AGBL4: variants seen among roughly 807,000 people sequenced by gnomAD.
AGBL4 encodes the protein AGBL carboxypeptidase 4.
Under a neutral mutation model 66.4 loss-of-function variants are expected in AGBL4, and 58 were observed. That is an observed-to-expected ratio of 0.87 (90% CI 0.71 to 1.09). The LOEUF is 1.09. Ranked by LOEUF, AGBL4 falls within the 50% of genes least tolerant of loss-of-function variation. AGBL4 has a pLI of 0.00. For missense variants in AGBL4, 579 were observed against 631.0 expected, an observed-to-expected ratio of 0.92 and a Z score of 0.88; for synonymous variants, 234 against 222.9, an observed-to-expected ratio of 1.05 and a Z score of -0.44.
intron 4 of AGBL4, among the ~76,000 whole-genome samples, chr1:49,197,567 G>C (rs929780978): frequency 2.6e-5 from 4 of 152,176 alleles, no homozygotes; most frequent in African/African-American, 9.6e-5. Context: ...GCGGGAACAG[G>C]TATTGCTGGC....
chr1:49,225,522 C>T (rs1392858338), intron 4 of AGBL4, among the ~76,000 whole-genome samples: 1 of 152,138 alleles, frequency 6.6e-6, no homozygotes, highest in African/African-American at 2.4e-5. Flanking sequence ...CCACCAGACC[C>T]AAGGTGGGAC....
In AGBL4 at chr1:48,799,833, T is replaced by A. The variant is rs149190356; in HGVS notation, c.634+67358A>T. Among the ~76,000 whole-genome samples, 225 of 152,336 alleles carry A rather than the reference T, an allele frequency of 1.5e-3. 1 individual carries two copies. Among genetic ancestry groups the A allele is most frequent in the Middle Eastern group, 6.8e-3 (2 of 294 alleles). ...TTGCATATGTTAAACTATCCCCACATCCCTGGTATGAAACCTACTTGACCA... is the reference window on the plus strand; with the variant it reads ...TTGCATATGTTAAACTATCCCCACAACCCTGGTATGAAACCTACTTGACCA... On this transcript the variant is annotated intron_variant, in intron 6 of 13. Coordinates refer to ENST00000371839, the MANE Select transcript of AGBL4 (RefSeq NM_032785.4).
At chr1:48,683,504 A>G (rs1254344125) in intron 6 of AGBL4, among the ~76,000 whole-genome samples, 1 of 152,256 alleles carries the variant, frequency 6.6e-6, no homozygotes, top group Non-Finnish European at 1.5e-5. Flanking sequence ...CCCGCCATCC[A>G]TCATGACTCA....
intron 6 of AGBL4, among the ~76,000 whole-genome samples, chr1:48,837,669 C>T (rs1370678049): frequency 1.5e-4 from 21 of 136,058 alleles, no homozygotes; most frequent in Admixed American, 1.5e-4. Context: ...AATGAACACA[C>T]ACACACACAC....
intron 3 of AGBL4, among the ~76,000 whole-genome samples, chr1:49,290,041 GA>G (rs1293825959): frequency 6.6e-6 from 1 of 151,976 alleles, no homozygotes; most frequent in Non-Finnish European, 1.5e-5. Context: ...AATATAAAAA[GA>G]TTACATTTTT....
At chr1:49,881,596 A>G (rs1371891046) in intron 1 of AGBL4, among the ~76,000 whole-genome samples, 10 of 150,352 alleles carry the variant, frequency 6.7e-5, no homozygotes, top group African/African-American at 2.5e-4. Flanking sequence ...GTGTGAGATG[A>G]TATCTCATTG....
At chr1:49,893,487 C>A (rs1208745361) in intron 1 of AGBL4, among the ~76,000 whole-genome samples, 2 of 152,158 alleles carry the variant, frequency 1.3e-5, no homozygotes, top group African/African-American at 4.8e-5. Flanking sequence ...CAGAAGGTAG[C>A]CCACTGCCCT....
At chr1:48,630,834 G>A (rs1379243112) in intron 9 of AGBL4, among the ~76,000 whole-genome samples, 3 of 152,146 alleles carry the variant, frequency 2.0e-5, no homozygotes, top group African/African-American at 7.2e-5. Context: ...CCAGCCTCCT[G>A]AGTAAGACAC....
In AGBL4 at chr1:49,359,017, G is replaced by A. The variant is rs530660303; in HGVS notation, c.283-113153C>T. Among the ~76,000 whole-genome samples the A allele has an allele frequency of 1.4e-4, 21 of 152,102 alleles. No individual in the cohort carries two copies. In the South Asian group the frequency reaches 2.1e-3, roughly 15 times the overall value. On this transcript the variant is annotated intron_variant, in intron 3 of 13. Coordinates refer to ENST00000371839, the MANE Select transcript of AGBL4 (RefSeq NM_032785.4). ...AACAAGGTCTTGTTTTATTACTTAT[G>A]TATTAATTTCAGCAGGCCTGCAGTG...
At chr1:48,567,793 G>A (rs1388328306) in intron 11 of AGBL4, among the ~76,000 whole-genome samples, 1 of 152,142 alleles carries the variant, frequency 6.6e-6, no homozygotes, top group Non-Finnish European at 1.5e-5. Context: ...CTAAGCCAGT[G>A]CTTCCCGACC....
intron 6 of AGBL4, among the ~76,000 whole-genome samples, chr1:48,786,576 C>T (rs1195641443): frequency 2.0e-5 from 3 of 152,204 alleles, no homozygotes; most frequent in Non-Finnish European, 4.4e-5. Context: ...CCATTCCAAT[C>T]ATTCATGTCT....
At chr1:49,048,702 G>T (rs558443837) in intron 4 of AGBL4, among the ~76,000 whole-genome samples, 1 of 151,734 alleles carries the variant, frequency 6.6e-6, no homozygotes, top group Admixed American at 6.6e-5. Flanking sequence ...CAGACATTGT[G>T]TTAAGTGTTT....
chr1:49,639,277 A>G (rs968176453), intron 3 of AGBL4, among the ~76,000 whole-genome samples: 1 of 152,210 alleles, frequency 6.6e-6, no homozygotes, highest in East Asian at 1.9e-4. Context: ...TTGGAAGACA[A>G]TATAAACTTG....
At chr1:49,570,456 G>T (rs1029150371) in intron 3 of AGBL4, among the ~76,000 whole-genome samples, 2 of 151,942 alleles carry the variant, frequency 1.3e-5, no homozygotes, top group South Asian at 4.1e-4. Context: ...TTTTGTTGTG[G>T]TTTTTTGACT....
In AGBL4 at chr1:49,383,601, A is replaced by T. The variant is rs75714586; in HGVS notation, c.283-137737T>A. On this transcript the variant is annotated intron_variant, in intron 3 of 13. Coordinates refer to ENST00000371839, the MANE Select transcript of AGBL4 (RefSeq NM_032785.4). ...GAAAACTGTATATCCACATGTAAAA[A>T]AATGAGATTGGACACTTATGTCACA... Among the ~76,000 whole-genome samples the T allele has an allele frequency of 4.1e-4, 63 of 152,232 alleles. No individual in the cohort carries two copies. In the East Asian group the frequency reaches 0.012, roughly 29 times the overall value.
At chr1:49,598,525 C>T (rs1380686907) in intron 3 of AGBL4, among the ~76,000 whole-genome samples, 1 of 152,184 alleles carries the variant, frequency 6.6e-6, no homozygotes, top group East Asian at 1.9e-4. Flanking sequence ...GGCTGGAGAA[C>T]AGCGGATTTT....
At chr1:49,219,283 G>T (rs190937588) in intron 4 of AGBL4, among the ~76,000 whole-genome samples, 193 of 152,264 alleles carry the variant, frequency 1.3e-3, no homozygotes, top group African/African-American at 4.4e-3. Flanking sequence ...AAGGTAGTTT[G>T]CATATGTCTC....
intron 1 of AGBL4, among the ~76,000 whole-genome samples, chr1:49,965,706 T>A (rs992112631): frequency 7.2e-5 from 11 of 152,132 alleles, no homozygotes; most frequent in African/African-American, 2.4e-4. Context: ...AACCTTTCTA[T>A]AGGAAAGACT....
intron 11 of AGBL4, among the ~76,000 whole-genome samples, chr1:48,583,535 T>C (rs558845859): frequency 1.3e-5 from 2 of 152,332 alleles, no homozygotes; most frequent in African/African-American, 4.8e-5. Flanking sequence ...ACCACATCTA[T>C]ACTTTAAATA....
Sources: gnomAD v4.1 joint callset for allele counts (sites outside exome capture counted in the v4.1 genomes callset) on GRCh38, gnomAD v4.1.1 for gene constraint, MANE v1.5 for transcripts, NCBI Gene and HGNC (gene_info 2026-07-23, HGNC 2026-07-21) for gene names.